Variants in PTGR3 observed in about 807,000 individuals in gnomAD.
PTGR3 encodes prostaglandin reductase 3.
At chr18:75,197,357 C>T in the PTGR3 span, 2 of 152,236 alleles carry the variant, frequency 1.3e-5, no homozygotes, top group East Asian at 3.9e-4. Context: ...CATTGCATGC[C>T]TGTTTCAAGA....
the PTGR3 span, among the ~76,000 whole-genome samples, chr18:75,206,179 G>A: frequency 1.3e-5 from 2 of 152,270 alleles, no homozygotes; most frequent in Middle Eastern, 6.8e-3. Flanking sequence ...ACATTCTATA[G>A]GGATTTTATA....
At chr18:75,209,132 T>C in the PTGR3 span, 14 of 1,275,324 alleles carry the variant, frequency 1.1e-5, no homozygotes, top group East Asian at 3.9e-4. This position sits in a 1 kb window ranked among gnomAD's most constrained non-coding sequence, Gnocchi z 4.7. Context: ...TCGGCTCGGC[T>C]GTGCTCTGCT....
At chr18:75,198,595 G>A in the PTGR3 span, 2 of 151,900 alleles carry the variant, frequency 1.3e-5, no homozygotes, top group South Asian at 2.1e-4. Context: ...GACACTGCTG[G>A]TATTTTCTGC....
the PTGR3 span, chr18:75,198,516 C>T: frequency 6.6e-6 from 1 of 151,666 alleles, no homozygotes; most frequent in Non-Finnish European, 1.5e-5. Context: ...AAACTATTCC[C>T]TGAATTTTTT....
the PTGR3 span, among the ~76,000 whole-genome samples, chr18:75,206,283 T>A: frequency 6.6e-6 from 1 of 152,218 alleles, no homozygotes; most frequent in Non-Finnish European, 1.5e-5. Flanking sequence ...ATGAAGAATT[T>A]GTATTTTGTG....
chr18:75,205,569 G>T, the PTGR3 span: 2 of 838,918 alleles, frequency 2.4e-6, no homozygotes, highest in South Asian at 1.1e-4. Context: ...AAACCCCCTC[G>T]TCATGTTTAC....
At chr18:75,195,436 G>C in the PTGR3 span, 1 of 152,140 alleles carries the variant, frequency 6.6e-6, no homozygotes, top group Non-Finnish European at 1.5e-5. Context: ...ATGGTAAAGG[G>C]GACTGCAGAG....
chr18:75,201,656 G>A, the PTGR3 span: 1 of 1,614,216 alleles, frequency 6.2e-7, no homozygotes, highest in East Asian at 2.2e-5. Context: ...CCTGTACGCT[G>A]GCAGATTTCT....
the PTGR3 span, chr18:75,201,188 A>C: frequency 3.8e-6 from 2 of 529,420 alleles, no homozygotes; most frequent in African/African-American, 3.8e-5. Context: ...ATTGAATGTA[A>C]GCGTTTTCCC....
At chr18:75,207,846 T>C in the PTGR3 span, among the ~76,000 whole-genome samples, 1 of 152,176 alleles carries the variant, frequency 6.6e-6, no homozygotes, top group Non-Finnish European at 1.5e-5. Context: ...ATTTACAACA[T>C]AGTTACAGTC....
At chr18:75,196,542 G>A in the PTGR3 span, 4 of 150,382 alleles carry the variant, frequency 2.7e-5, no homozygotes, top group Non-Finnish European at 5.9e-5. Flanking sequence ...TGAGGTGGGA[G>A]GATGGCTTGA....
the PTGR3 span, chr18:75,202,149 A>G: frequency 5.0e-6 from 8 of 1,614,154 alleles, no homozygotes; most frequent in Non-Finnish European, 6.8e-6. Flanking sequence ...GGCAGGCACA[A>G]CTGTGTACTC....
the PTGR3 span, chr18:75,209,096 C>A: frequency 7.0e-7 from 1 of 1,434,112 alleles, no homozygotes; most frequent in Non-Finnish European, 9.2e-7. This position sits in a 1 kb window ranked among gnomAD's most constrained non-coding sequence, Gnocchi z 4.7. Flanking sequence ...CCGACGCTGG[C>A]CGGGGTCGGC....
At chr18:75,196,247 T>G in the PTGR3 span, 11 of 152,212 alleles carry the variant, frequency 7.2e-5, no homozygotes, top group Non-Finnish European at 1.3e-4. Flanking sequence ...TTTTAATTAT[T>G]TTAATTTCAT....
chr18:75,202,093 G>A, the PTGR3 span: 1 of 1,614,036 alleles, frequency 6.2e-7, no homozygotes, highest in Non-Finnish European at 8.5e-7. Flanking sequence ...CTTACCAGCA[G>A]GGTAAGATAC....
the PTGR3 span, chr18:75,198,244 G>A: frequency 6.6e-6 from 1 of 152,184 alleles, no homozygotes; most frequent in Non-Finnish European, 1.5e-5. Flanking sequence ...TCTTGTGGTG[G>A]TGAACACAAA....
At chr18:75,207,878 A>G in the PTGR3 span, among the ~76,000 whole-genome samples, 1 of 152,146 alleles carries the variant, frequency 6.6e-6, no homozygotes, top group Non-Finnish European at 1.5e-5. Context: ...CTCCCTTTCG[A>G]TATTATTATT....
chr18:75,204,318 A>G, the PTGR3 span, among the ~76,000 whole-genome samples: 1 of 152,252 alleles, frequency 6.6e-6, no homozygotes, highest in Non-Finnish European at 1.5e-5. Flanking sequence ...GAGATGGAGC[A>G]GGACGCACAC....
At chr18:75,203,835 T>G in the PTGR3 span, among the ~76,000 whole-genome samples, 10 of 152,240 alleles carry the variant, frequency 6.6e-5, no homozygotes, top group East Asian at 1.9e-3. Context: ...AGGCCTGGCG[T>G]TTTAAAAAGG....
Sources: allele counts gnomAD v4.1 joint callset (sites outside exome capture counted in the v4.1 genomes callset), GRCh38; gene constraint gnomAD v4.1.1; non-coding constraint Gnocchi (gnomAD v3.1); transcripts MANE v1.5; gene names NCBI Gene and HGNC (gene_info 2026-07-23, HGNC 2026-07-21).